Variants in MTOR observed in about 807,000 individuals in gnomAD.
MTOR encodes the protein mechanistic target of rapamycin kinase.
In MTOR, 70 loss-of-function variants were observed where a neutral mutation model predicts 319.8. That is an observed-to-expected ratio of 0.22 (90% CI 0.18 to 0.27). The LOEUF (loss-of-function observed/expected upper bound fraction) is 0.27. Among genes scored for constraint, MTOR ranks in the 10% least tolerant of loss-of-function variants. The probability of loss-of-function intolerance (pLI) is 1.00; values close to 1 mark genes in which losing one functional copy is unlikely to be tolerated. For synonymous variants in MTOR, 1,183 were observed against 1,211.4 expected (o/e 0.98, Z 0.49); for missense variants, 1,890 against 3,274.4 (o/e 0.58, Z 10.32).
chr1:11,241,025 TA>T (rs879292370), intron 10 of MTOR, among the ~76,000 whole-genome samples: 144 of 144,734 alleles, frequency 9.9e-4, no homozygotes, highest in South Asian at 1.3e-3. Context: ...CTTTTCAGAT[TA>T]AAAAAAAAAA....
At chr1:11,151,369 G>A (rs1236681437) in intron 30 of MTOR, among the ~76,000 whole-genome samples, 2 of 152,140 alleles carry the variant, frequency 1.3e-5, no homozygotes, top group Non-Finnish European at 2.9e-5. Context: ...TGGTGGCCAT[G>A]ATGCCCTATG....
intron 28 of MTOR, among the ~76,000 whole-genome samples, chr1:11,185,428 AAAAG>A (rs552054713): frequency 1.0e-3 from 151 of 150,584 alleles, no homozygotes; most frequent in African/African-American, 3.0e-3. Flanking sequence ...AAAAAAAAAG[AAAAG>A]AAAGAAAGAA....
At chr1:11,195,021 TA>T in intron 28 of MTOR, 2 of 1,613,220 alleles carry the variant, frequency 1.2e-6, no homozygotes, top group South Asian at 1.1e-5. Flanking sequence ...CTTCAAGCCT[TA>T]AAAGGAGGCT....
At chr1:11,239,945 T>G (rs1220853624) in intron 11 of MTOR, among the ~76,000 whole-genome samples, 1 of 150,686 alleles carries the variant, frequency 6.6e-6, no homozygotes, top group Non-Finnish European at 1.5e-5. Flanking sequence ...CATACTGCCA[T>G]AGACATGGAA....
At position 11,212,605 on chromosome 1, in the gene MTOR, T is replaced by C. The variant is rs1168597704; in HGVS notation, c.3399-131A>G. 6 of 1,189,644 alleles carry C rather than the reference T, an allele frequency of 5.0e-6. No individual in the cohort carries two copies. Among genetic ancestry groups the C allele is most frequent in the African/African-American group, 4.6e-5 (3 of 64,860 alleles). The allele number at this position is 1,189,644 out of a possible 1,614,324, so 73.7% of individuals were successfully genotyped here. A position where few individuals can be genotyped will look rare whatever the true frequency, so the allele number is the denominator to read the frequency against. ...GGCTTCTAAGGTATTTTGGATGACA[T>C]GGATCCAACATTTATTCCAATGGGA... is the stretch of plus-strand genomic sequence containing the variant. On this transcript the variant is annotated intron_variant, in intron 22 of 57. Transcript: ENST00000361445. The surrounding 1 kb of genome is among the most constrained non-coding windows in gnomAD (Gnocchi z 4.1).
In MTOR at chr1:11,127,484, G is replaced by T; in HGVS notation, c.6216+140C>A. The T allele has an allele frequency of 9.8e-7, 1 of 1,021,204 alleles. No individual in the cohort carries two copies. 63.3% of individuals were successfully genotyped at this position (1,021,204 alleles called of 1,614,324 possible). ...CAGAGCTCGTTTTATTAAAGTCAGTGGAAAGGCCAGAGGAAAAGAAATCTG... is the reference window on the plus strand; with the variant it reads ...CAGAGCTCGTTTTATTAAAGTCAGTTGAAAGGCCAGAGGAAAAGAAATCTG... On this transcript the variant is annotated intron_variant, in intron 44 of 57. Transcript: ENST00000361445. The surrounding 1 kb of genome is among the most constrained non-coding windows in gnomAD (Gnocchi z 5.5).
In MTOR at chr1:11,150,216, G is replaced by A; in HGVS notation, c.4480C>T (p.His1494Tyr). 1.2e-6 allele frequency: 2 copies of A among 1,613,784 alleles called. No individual in the cohort carries two copies. Among genetic ancestry groups the A allele is most frequent in the Non-Finnish European group, 1.7e-6 (2 of 1,179,868 alleles). The change falls in exon 31 of 58, where the codon CAC becomes TAC. Residue 1494 changes from histidine (H) to tyrosine (Y), a missense_variant. Physicochemically the swap from His to Tyr is moderately conservative, Grantham distance 83. Transcript: ENST00000361445. The part of the protein sequence containing the change: ...LEALGEWGQL[H>Y]QQCCEKWTLV... Reference sequence around the variant, plus strand: ...GTCCACTTTTCACAGCACTGCTGGTGGAGTTGACCCCTGAAGAAAATGAAT... The same window carrying A: ...GTCCACTTTTCACAGCACTGCTGGTAGAGTTGACCCCTGAAGAAAATGAAT...
chr1:11,234,075 A>G, intron 14 of MTOR, 68 bp downstream of exon 14: 2 of 1,608,994 alleles, frequency 1.2e-6, no homozygotes, highest in Non-Finnish European at 8.5e-7. Context: ...ACACTGAAAC[A>G]CTCCCATCTC....
intron 34 of MTOR, among the ~76,000 whole-genome samples, chr1:11,140,883 A>G (rs1643665853): frequency 6.6e-6 from 1 of 151,868 alleles, no homozygotes; most frequent in Non-Finnish European, 1.5e-5. Flanking sequence ...AATGAATTAA[A>G]TGTAAAGAAG....
At chr1:11,153,859 G>A (rs1237555446) in intron 30 of MTOR, among the ~76,000 whole-genome samples, 1 of 151,712 alleles carries the variant, frequency 6.6e-6, no homozygotes, top group Non-Finnish European at 1.5e-5. Flanking sequence ...TCTTGAGGTT[G>A]GGAGTTCAAG....
In MTOR at chr1:11,228,832, T is replaced by C. The variant is rs2100856032; in HGVS notation, c.2866A>G (p.Met956Val). ...AGTGACTGGTCTCGGAAGATCCGCATCAGGGCCACCATGGACACAGCTGGG... is the reference window on the plus strand; with the variant it reads ...AGTGACTGGTCTCGGAAGATCCGCACCAGGGCCACCATGGACACAGCTGGG... Reference protein sequence around the residue: ...FYPAVSMVALMRIFRDQSLSH... With the variant: ...FYPAVSMVALVRIFRDQSLSH... Residue 956 changes from methionine to valine, a missense_variant, in exon 19 of 58, where the codon ATG becomes GTG. By Grantham distance (21) the Met-to-Val change is conservative (BLOSUM62 1). Transcript: ENST00000361445. The C allele has an allele frequency of 6.2e-7, 1 of 1,614,164 alleles. No individual in the cohort carries two copies. The highest frequency in any genetic ancestry group is 8.5e-7 in the Non-Finnish European group (1 of 1,180,030).
rs143068536 is a variant in MTOR at position 11,133,140 on chromosome 1, T to A, written c.5304A>T (p.Thr1768=). 1 of 1,614,194 alleles carries A rather than the reference T, an allele frequency of 6.2e-7. No individual in the cohort carries two copies. The highest frequency in any genetic ancestry group is 1.3e-5 in the African/African-American group (1 of 75,054). ...QLNLQGINES[T]IPKVLQYYSA... ...TGTAGTACTGCAGCACTTTGGGGATTGTGCTCTCATTGATGCCCTGTAGAT... is the reference window on the plus strand; with the variant it reads ...TGTAGTACTGCAGCACTTTGGGGATAGTGCTCTCATTGATGCCCTGTAGAT... The change falls in exon 38 of 58, where the codon ACA becomes ACT. Residue 1768 remains threonine (T), a synonymous_variant. Transcript: ENST00000361445. This position sits in a 1 kb window ranked among gnomAD's most constrained non-coding sequence, Gnocchi z 4.0.
chr1:11,262,199 G>A (rs1651229560), intron 1 of MTOR, among the ~76,000 whole-genome samples: 1 of 152,220 alleles, frequency 6.6e-6, no homozygotes, highest in Non-Finnish European at 1.5e-5. Flanking sequence ...AGAGCTGATG[G>A]GCCGGCCTTC....
rs17848533 is a variant in MTOR at position 11,240,281 on chromosome 1, A to G, written c.1786+22T>C. 10,545 of 1,533,684 alleles carry G rather than the reference A, an allele frequency of 6.9e-3. 355 individuals are homozygous for G. The highest frequency in any genetic ancestry group is 0.065 in the Admixed American group (3,072 of 47,362). On this transcript the variant is annotated intron_variant, in intron 11 of 57. Coordinates refer to ENST00000361445, the MANE Select transcript of MTOR (RefSeq NM_004958.4). The stretch of plus-strand genomic sequence containing the variant: ...TTCCAGCATCTCTCACTATCTTGGC[A>G]AGAGCCGTTGTAATTTCTTACCTTC...
intron 28 of MTOR, among the ~76,000 whole-genome samples, chr1:11,167,897 GTC>G (rs1320219544): frequency 6.6e-6 from 1 of 152,130 alleles, no homozygotes; most frequent in Non-Finnish European, 1.5e-5. Flanking sequence ...GTGAAACCCT[GTC>G]TCTACTAAAA....
In MTOR at chr1:11,199,836, G is replaced by A. The variant is rs1028448149; in HGVS notation, c.3945-133C>T. On this transcript the variant is annotated intron_variant, in intron 26 of 57. Coordinates refer to ENST00000361445, the MANE Select transcript of MTOR (RefSeq NM_004958.4). The surrounding 1 kb of genome is among the most constrained non-coding windows in gnomAD (Gnocchi z 4.5). ...AACCAGTGCTATACAGACCAGTGCT[G>A]TCCAAGAGAATTTTCCTGTCCAATA... 1.2e-6 allele frequency: 1 copy of A among 834,478 alleles called. No individual in the cohort carries two copies. The highest frequency in any genetic ancestry group is 1.8e-6 in the Non-Finnish European group (1 of 545,572). The allele number at this position is 834,478 out of a possible 1,614,324, so 51.7% of individuals were successfully genotyped here. A position where few individuals can be genotyped will look rare whatever the true frequency, so the allele number is the denominator to read the frequency against.
chr1:11,169,779 C>T lies in MTOR; in HGVS notation c.4254-2262G>A, dbSNP rs374892897. Among the ~76,000 whole-genome samples, 9 of 152,168 alleles carry T rather than the reference C, an allele frequency of 5.9e-5. No individual in the cohort carries two copies. In the East Asian group the frequency reaches 1.5e-3, roughly 26 times the overall value. Reference sequence around the variant, plus strand: ...TAAATTCCTTATCTATATAACAGGGCTAATATCACCTCCTCCTTCAGAGGG... The same window carrying T: ...TAAATTCCTTATCTATATAACAGGGTTAATATCACCTCCTCCTTCAGAGGG... On this transcript the variant is annotated intron_variant, in intron 28 of 57. Transcript: ENST00000361445.
intron 28 of MTOR, chr1:11,193,659 G>A (rs146246137): frequency 7.1e-5 from 114 of 1,613,830 alleles, no homozygotes; most frequent in Non-Finnish European, 9.3e-5. Flanking sequence ...TCCTTCTACC[G>A]GGACTGGAAG....
At position 11,195,101 on chromosome 1, in the gene MTOR, G is replaced by C. The variant is rs1003232904; in HGVS notation, c.4253+4157C>G. On this transcript the variant is annotated intron_variant, in intron 28 of 57. Transcript: ENST00000361445. ...ATGAGGGCAGATGAGGACAGGAAGA[G>C]AGTGTTAGAAAGGGTAGGACTGAGA... The C allele has an allele frequency of 6.1e-6, 9 of 1,477,096 alleles. No homozygotes were observed. In the South Asian group the frequency reaches 9.9e-5, roughly 16 times the overall value. The allele number at this position is 1,477,096 out of a possible 1,614,324, so 91.5% of individuals were successfully genotyped here.
Sources: gnomAD v4.1 joint callset for allele counts (sites outside exome capture counted in the v4.1 genomes callset) on GRCh38, gnomAD v4.1.1 for gene constraint, Gnocchi (gnomAD v3.1) non-coding constraint, MANE v1.5 for transcripts, NCBI Gene and HGNC (gene_info 2026-07-23, HGNC 2026-07-21) for gene names.